The following CTNNA3 variants were observed in gnomAD, a reference collection of about 807,000 sequenced individuals.
CTNNA3 encodes the protein catenin alpha-3.
Under a neutral mutation model 95.7 loss-of-function variants are expected in CTNNA3, and 76 were observed. The ratio of observed to expected loss-of-function variants is 0.79; its 90% CI spans 0.66 to 0.96. The LOEUF (loss-of-function observed/expected upper bound fraction) is 0.96. Among genes scored for constraint, CTNNA3 ranks in the 40% least tolerant of loss-of-function variants. The pLI is 0.00. For missense variants in CTNNA3, 1,191 were observed against 1,089.8 expected (o/e 1.09, Z -1.31); for synonymous variants, 431 against 374.4 (o/e 1.15, Z -1.74).
chr10:67,082,037 AC>A (rs1205897634), intron 7 of CTNNA3, among the ~76,000 whole-genome samples: 1 of 152,226 alleles, frequency 6.6e-6, no homozygotes, highest in Non-Finnish European at 1.5e-5. Context: ...TACCTAGGCT[AC>A]CTTTGTTAGA....
At chr10:67,173,030 T>C (rs552453927) in intron 7 of CTNNA3, among the ~76,000 whole-genome samples, 1 of 152,124 alleles carries the variant, frequency 6.6e-6, no homozygotes, top group African/African-American at 2.4e-5. Context: ...ATGTTTCTCC[T>C]AATAATTTTC....
At chr10:66,396,077 C>T (rs997285487) in intron 11 of CTNNA3, among the ~76,000 whole-genome samples, 14 of 152,020 alleles carry the variant, frequency 9.2e-5, no homozygotes, top group Admixed American at 3.3e-4. Flanking sequence ...TAGATTAATG[C>T]CCTCCAGCAA....
intron 5 of CTNNA3, among the ~76,000 whole-genome samples, chr10:67,473,651 C>T (rs1847909706): frequency 6.6e-6 from 1 of 151,832 alleles, no homozygotes; most frequent in Non-Finnish European, 1.5e-5. Flanking sequence ...TCCAAATCCA[C>T]AGACTGAACC....
At chr10:66,594,966 A>G (rs1260923185) in intron 10 of CTNNA3, among the ~76,000 whole-genome samples, 1 of 152,204 alleles carries the variant, frequency 6.6e-6, no homozygotes, top group Non-Finnish European at 1.5e-5. Context: ...ACATATAAGA[A>G]CTACATGCAT....
chr10:66,003,525 G>C (rs184005555), intron 15 of CTNNA3, among the ~76,000 whole-genome samples: 1 of 152,058 alleles, frequency 6.6e-6, no homozygotes, highest in Non-Finnish European at 1.5e-5. Flanking sequence ...TTCATGGAGG[G>C]GGAAAAATCC....
chr10:66,582,633 T>C (rs1416811631), intron 10 of CTNNA3, among the ~76,000 whole-genome samples: 2 of 151,860 alleles, frequency 1.3e-5, no homozygotes, highest in Non-Finnish European at 2.9e-5. Context: ...CTTTATTTAT[T>C]TCTCTTGTCT....
chr10:67,602,997 T>C (rs180924278), intron 3 of CTNNA3, among the ~76,000 whole-genome samples: 97 of 152,332 alleles, frequency 6.4e-4, no homozygotes, highest in Non-Finnish European at 1.1e-3. Context: ...GTGTCAGGCA[T>C]TGGTAATCAA....
At position 66,615,376 on chromosome 10, in the gene CTNNA3, G is replaced by A. The variant is rs185445943; in HGVS notation, c.1374+6316C>T. ...TGCTATAAGTCAGTCCCCATATCAC[G>A]CTACTGACTTATACTGTTAAGTCAC... On this transcript the variant is annotated intron_variant, in intron 10 of 17. Transcript: ENST00000433211. Among the ~76,000 whole-genome samples the A allele has an allele frequency of 6.1e-4, 93 of 151,934 alleles. No individual in the cohort carries two copies. In the East Asian group the frequency reaches 0.017, roughly 27 times the overall value.
intron 7 of CTNNA3, among the ~76,000 whole-genome samples, chr10:67,152,494 T>C (rs1861128366): frequency 6.6e-6 from 1 of 152,218 alleles, no homozygotes. Context: ...TATTTCATAA[T>C]GCAATTAGAT....
At chr10:66,585,567 A>C (rs755422377) in intron 10 of CTNNA3, among the ~76,000 whole-genome samples, 2 of 151,876 alleles carry the variant, frequency 1.3e-5, no homozygotes, top group Non-Finnish European at 2.9e-5. Context: ...TAAAATATCC[A>C]TCTCTTTAGA....
intron 16 of CTNNA3, among the ~76,000 whole-genome samples, chr10:65,982,589 T>C (rs1404500700): frequency 1.3e-5 from 2 of 151,238 alleles, no homozygotes; most frequent in Non-Finnish European, 3.0e-5. Context: ...TGCATAAATA[T>C]GGAATCAGCC....
Position 66,500,276 on chromosome 10 carries a change from T to C in CTNNA3, c.1531+20341A>G, listed in dbSNP as rs2441750. Among the ~76,000 whole-genome samples, 30 of 152,292 alleles carry C rather than the reference T, an allele frequency of 2.0e-4. No homozygotes were observed. In the East Asian group the frequency reaches 4.6e-3, roughly 23 times the overall value. ...TAGTGAAATAGTGATAGTATAAATA[T>C]ATATCATGCTTTAATAAAGTATTTT... On this transcript the variant is annotated intron_variant, in intron 11 of 17. Transcript: ENST00000433211.
At chr10:67,698,844 A>C (rs1841009800), upstream of CTNNA3, among the ~76,000 whole-genome samples, 1 of 148,178 alleles carries the variant, frequency 6.7e-6, no homozygotes, top group African/African-American at 2.6e-5. Context: ...ATGTACTATT[A>C]ATACAAAAAA....
At chr10:66,169,055 T>A (rs575598515) in intron 13 of CTNNA3, among the ~76,000 whole-genome samples, 1 of 152,180 alleles carries the variant, frequency 6.6e-6, no homozygotes, top group African/African-American at 2.4e-5. Flanking sequence ...TAATTGTCTA[T>A]TTTTGTTGTT....
intron 1 of CTNNA3, among the ~76,000 whole-genome samples, chr10:67,649,348 G>A (rs1304063711): frequency 3.3e-5 from 5 of 152,154 alleles, no homozygotes; most frequent in African/African-American, 9.7e-5. Context: ...AAATTAAGGA[G>A]AGCAAAAATT....
chr10:67,702,534 C>T (rs1841047736), intron 1 of CTNNA3, among the ~76,000 whole-genome samples: 1 of 152,228 alleles, frequency 6.6e-6, no homozygotes, highest in South Asian at 2.1e-4. Context: ...CTACTGGGTA[C>T]ATAACGAAAT....
chr10:66,441,959 A>T (rs1288509795), intron 11 of CTNNA3, among the ~76,000 whole-genome samples: 1 of 152,198 alleles, frequency 6.6e-6, no homozygotes, highest in Non-Finnish European at 1.5e-5. Flanking sequence ...ACATTTACTT[A>T]ATCCATCCTT....
chr10:66,416,637 C>T (rs1335583568), intron 11 of CTNNA3, among the ~76,000 whole-genome samples: 1 of 151,570 alleles, frequency 6.6e-6, no homozygotes, highest in Non-Finnish European at 1.5e-5. Context: ...ACCTTATAGG[C>T]CAGGAGAGAA....
intron 5 of CTNNA3, among the ~76,000 whole-genome samples, chr10:67,465,078 A>G (rs1847536134): frequency 6.8e-6 from 1 of 147,140 alleles, no homozygotes; most frequent in Non-Finnish European, 1.5e-5. Flanking sequence ...CCATGGAAGC[A>G]TTTTAGTTTC....
Sources: gnomAD v4.1 joint callset for allele counts (sites outside exome capture counted in the v4.1 genomes callset) on GRCh38, gnomAD v4.1.1 for gene constraint, MANE v1.5 for transcripts, NCBI Gene and HGNC (gene_info 2026-07-23, HGNC 2026-07-21) for gene names.